The following RBFOX1 variants were observed in gnomAD, a reference collection of about 807,000 sequenced individuals.
RBFOX1 encodes the protein RNA binding fox-1 homolog 1, also known as RNA binding protein fox-1 homolog 1.
In RBFOX1, 8 loss-of-function variants were observed where a neutral mutation model predicts 57.7. The ratio of observed to expected loss-of-function variants is 0.14; its 90% confidence interval spans 0.08 to 0.25. The LOEUF is 0.25. Among genes scored for constraint, RBFOX1 ranks in the 10% least tolerant of loss-of-function variants. The pLI, the probability that RBFOX1 is intolerant of heterozygous loss-of-function variation, is 1.00. For synonymous variants in RBFOX1, 326 were observed against 222.4 expected (o/e 1.47, Z -4.15); for missense variants, 611 against 548.5 (o/e 1.11, Z -1.14).
chr16:6,861,957 T>A (rs2059102911), intron 3 of RBFOX1, among the ~76,000 whole-genome samples: 1 of 149,866 alleles, frequency 6.7e-6, no homozygotes, highest in African/African-American at 2.5e-5. Flanking sequence ...TGGTTTGGAA[T>A]ATGCAATGGG....
intron 3 of RBFOX1, among the ~76,000 whole-genome samples, chr16:5,737,083 T>G (rs2052604353): frequency 6.6e-6 from 1 of 152,052 alleles, no homozygotes; most frequent in African/African-American, 2.4e-5. Context: ...GATGGTGACT[T>G]GCATTGCCCA....
At chr16:7,696,228 T>G (rs958140257) in intron 14 of RBFOX1, among the ~76,000 whole-genome samples, 1 of 152,198 alleles carries the variant, frequency 6.6e-6, no homozygotes, top group Non-Finnish European at 1.5e-5. Context: ...GTTTTGGTTT[T>G]TCCCAAAGAA....
rs1164087506 is a variant in RBFOX1, at chr16:7,047,727, T to C, written c.-15-4330T>C. ...CAGGTCCTGCATTTCTTTTTTTTTT[T>C]TTTTTTTTTTTTTTTTTTGTCTTCA... On this transcript the variant is annotated intron_variant, in intron 3 of 15. Coordinates refer to ENST00000550418, the MANE Select transcript of RBFOX1 (RefSeq NM_018723.4). Among the ~76,000 whole-genome samples, 65 of 112,396 alleles carry C rather than the reference T, an allele frequency of 5.8e-4. No homozygotes were observed. The East Asian group carries it at 0.01, about 18-fold the overall frequency. The allele number at this position is 112,396 out of a possible 152,430, so 73.7% of individuals were successfully genotyped here.
intron 1 of RBFOX1, among the ~76,000 whole-genome samples, chr16:6,117,317 A>T (rs543491158): frequency 1.3e-5 from 2 of 152,224 alleles, no homozygotes; most frequent in African/African-American, 4.8e-5. Flanking sequence ...TACCTTTAAA[A>T]CTCAGAAGAC....
At chr16:5,448,227 G>A (rs1335638986) in intron 1 of RBFOX1, among the ~76,000 whole-genome samples, 1 of 152,116 alleles carries the variant, frequency 6.6e-6, no homozygotes, top group Non-Finnish European at 1.5e-5. Context: ...AGACCTGGAC[G>A]CTGCATGTTT....
intron 3 of RBFOX1, among the ~76,000 whole-genome samples, chr16:6,772,404 G>C (rs1334252322): frequency 6.7e-6 from 1 of 149,838 alleles, no homozygotes; most frequent in Non-Finnish European, 1.5e-5. Flanking sequence ...AGGCTGGAAG[G>C]GTTTTGTGTG....
intron 3 of RBFOX1, among the ~76,000 whole-genome samples, chr16:6,842,148 AAAATAAAAAAT>A (rs1215463262): frequency 2.1e-5 from 3 of 139,980 alleles, no homozygotes; most frequent in Admixed American, 7.6e-5. Flanking sequence ...CTCAGAAAAA[AAAATAAAAAAT>A]AAATAAATAA....
intron 3 of RBFOX1, among the ~76,000 whole-genome samples, chr16:6,715,168 C>G (rs751347885): frequency 6.6e-6 from 1 of 152,118 alleles, no homozygotes; most frequent in Non-Finnish European, 1.5e-5. Flanking sequence ...CTTTAAGAAA[C>G]CCTCCTCACT....
At chr16:6,496,612 G>T (rs1343312995) in intron 2 of RBFOX1, among the ~76,000 whole-genome samples, 1 of 152,128 alleles carries the variant, frequency 6.6e-6, no homozygotes, top group South Asian at 2.1e-4. Flanking sequence ...ATCAAAGCAA[G>T]TTGCCCCAAG....
At chr16:6,781,164 T>G (rs1215249257) in intron 3 of RBFOX1, among the ~76,000 whole-genome samples, 1 of 152,148 alleles carries the variant, frequency 6.6e-6, no homozygotes, top group African/African-American at 2.4e-5. Context: ...TTGATTTGAT[T>G]TTTGTAGATG....
chr16:6,617,700 G>A (rs722648), intron 2 of RBFOX1, among the ~76,000 whole-genome samples: 2 of 152,092 alleles, frequency 1.3e-5, no homozygotes, highest in Non-Finnish European at 2.9e-5. Context: ...GTGGAGGGAA[G>A]GTGGGCAATA....
chr16:5,700,227 A>C (rs34176094), intron 3 of RBFOX1, among the ~76,000 whole-genome samples: 3 of 151,840 alleles, frequency 2.0e-5, no homozygotes, highest in Admixed American at 6.6e-5. Context: ...TATTCGATCA[A>C]TTTTTGTGCT....
chr16:6,852,782 A>G (rs1445132182), intron 3 of RBFOX1, among the ~76,000 whole-genome samples: 3 of 151,422 alleles, frequency 2.0e-5, no homozygotes, highest in East Asian at 3.9e-4. Context: ...TGGGAGAGGT[A>G]CATGCTGGGA....
chr16:6,047,890 G>A (rs561169439), intron 1 of RBFOX1, among the ~76,000 whole-genome samples: 8 of 152,162 alleles, frequency 5.3e-5, no homozygotes, highest in South Asian at 4.2e-4. Context: ...ATTTTCTTAC[G>A]GTTTCACAGA....
Position 7,116,032 on chromosome 16 carries a change from T to C in RBFOX1, c.27+63934T>C, listed in dbSNP as rs1019433491. On this transcript the variant is annotated intron_variant, in intron 4 of 15. Coordinates refer to ENST00000550418, the MANE Select transcript of RBFOX1 (RefSeq NM_018723.4). The stretch of plus-strand genomic sequence containing the variant: ...TGCCAGGCACTGTACTAAGTGGCCA[T>C]GTGCCCTTTCTCATTTGGTTTTCAT... 7.9e-5 allele frequency among the ~76,000 whole-genome samples: 12 copies of C among 152,206 alleles called. 1 individual carries two copies. Among genetic ancestry groups the C allele is most frequent in the Admixed American group, 7.9e-4 (12 of 15,274 alleles).
intron 3 of RBFOX1, among the ~76,000 whole-genome samples, chr16:6,870,000 G>A (rs773984474): frequency 6.6e-5 from 10 of 152,070 alleles, no homozygotes; most frequent in South Asian, 2.1e-4. Context: ...CATTTTCTAC[G>A]TTGATGCTGT....
At chr16:7,162,478 C>G (rs1377626711) in intron 4 of RBFOX1, among the ~76,000 whole-genome samples, 1 of 151,648 alleles carries the variant, frequency 6.6e-6, no homozygotes, top group Non-Finnish European at 1.5e-5. Flanking sequence ...GCCTGTAACC[C>G]CAGCACTTTG....
intron 1 of RBFOX1, among the ~76,000 whole-genome samples, chr16:6,100,126 C>T (rs373716906): frequency 1.3e-5 from 2 of 151,946 alleles, no homozygotes; most frequent in Admixed American, 6.6e-5. Flanking sequence ...GTGATGCAGG[C>T]TTATTGCATT....
intron 3 of RBFOX1, among the ~76,000 whole-genome samples, chr16:6,976,610 C>G (rs750466094): frequency 3.3e-5 from 5 of 150,038 alleles, no homozygotes; most frequent in Admixed American, 6.7e-5. Flanking sequence ...AGGGCGTTCC[C>G]GAAAGTAAGA....
Sources: gnomAD v4.1 joint callset for allele counts (sites outside exome capture counted in the v4.1 genomes callset) on GRCh38, gnomAD v4.1.1 for gene constraint, MANE v1.5 for transcripts, NCBI Gene and HGNC (gene_info 2026-07-23, HGNC 2026-07-21) for gene names.